DENND4A: variants seen among roughly 807,000 people sequenced by gnomAD.
DENND4A encodes C-myc promoter-binding protein.
A neutral mutation model predicts 199.3 loss-of-function variants in DENND4A; 70 were observed. The ratio of observed to expected loss-of-function variants is 0.35; its 90% CI spans 0.29 to 0.43. The LOEUF is 0.43. DENND4A is among the 20% of genes least tolerant of loss of function. DENND4A has a pLI of 1.00. For synonymous variants in DENND4A, 686 were observed against 766.9 expected, an observed-to-expected ratio of 0.89 and a Z score of 1.74; for missense variants, 1,723 against 2,255.8, an observed-to-expected ratio of 0.76 and a Z score of 4.78.
chr15:65,745,125 T>C (rs1208599876), intron 4 of DENND4A, among the ~76,000 whole-genome samples: 1 of 152,206 alleles, frequency 6.6e-6, no homozygotes, highest in Non-Finnish European at 1.5e-5. Context: ...TATATGATCA[T>C]TTAATAATAT....
chr15:65,750,684 A>G (rs1040467627), intron 4 of DENND4A, among the ~76,000 whole-genome samples: 3 of 152,034 alleles, frequency 2.0e-5, no homozygotes, highest in African/African-American at 7.2e-5. Context: ...ATAGATCTAC[A>G]ATTTGTATAC....
At chr15:65,702,599 C>G in intron 16 of DENND4A, 88 bp from the exon 17 acceptor site, 2 of 1,141,208 alleles carry the variant, frequency 1.8e-6, no homozygotes, top group South Asian at 1.5e-5. Context: ...AAGTCACATG[C>G]TTTTATAATG....
chr15:65,689,036 A>G (rs1448002287), intron 23 of DENND4A, among the ~76,000 whole-genome samples: 1 of 152,158 alleles, frequency 6.6e-6, no homozygotes, highest in Non-Finnish European at 1.5e-5. Context: ...CACTTTAAAG[A>G]TATCTTTCCA....
intron 1 of DENND4A, among the ~76,000 whole-genome samples, chr15:65,763,387 G>C (rs1006741108): frequency 6.6e-6 from 1 of 152,114 alleles, no homozygotes; most frequent in African/African-American, 2.4e-5. Context: ...GGCATAAACT[G>C]AGTCAAGAAT....
intron 23 of DENND4A, among the ~76,000 whole-genome samples, chr15:65,684,772 G>A (rs868391581): frequency 6.7e-6 from 1 of 149,614 alleles, no homozygotes; most frequent in Non-Finnish European, 1.5e-5. Flanking sequence ...AGAATTCTTG[G>A]CTTAATTCAA....
chr15:65,756,280 C>T lies in DENND4A; in HGVS notation c.171G>A (p.Glu57=), dbSNP rs765150896. 5.0e-6 allele frequency: 8 copies of T among 1,613,328 alleles called. No homozygotes were observed. Among genetic ancestry groups the T allele is most frequent in the Middle Eastern group, 1.7e-4 (1 of 6,060 alleles). Residue 57 remains glutamate, a synonymous_variant, in exon 3 of 33, where the codon GAG becomes GAA. Coordinates refer to ENST00000443035, the MANE Select transcript of DENND4A (RefSeq NM_001320835.1). Reference sequence around the variant, plus strand: ...TACAGATATAATCCTGTGGGACTTCCTCCCCAAGAGATTTGATAATAACTG... The same window carrying T: ...TACAGATATAATCCTGTGGGACTTCTTCCCCAAGAGATTTGATAATAACTG... ...DVSVIIKSLG[E]EVPQDYICID...
chr15:65,670,614 T>C (rs1306975567), intron 25 of DENND4A, among the ~76,000 whole-genome samples: 1 of 152,204 alleles, frequency 6.6e-6, no homozygotes, highest in Non-Finnish European at 1.5e-5. Context: ...TTTATAAACT[T>C]TTTAAAGTAC....
At chr15:65,674,688 T>C (rs1024382544) in intron 24 of DENND4A, among the ~76,000 whole-genome samples, 1 of 151,120 alleles carries the variant, frequency 6.6e-6, no homozygotes, top group African/African-American at 2.4e-5. Flanking sequence ...GAGCCATGAC[T>C]GTGCCACTGT....
Position 65,660,331 on chromosome 15 carries a change from C to A in DENND4A, c.*1520G>T. 6.5e-7 allele frequency: 1 copy of A among 1,532,674 alleles called. No homozygotes were observed. Among genetic ancestry groups the A allele is most frequent in the Non-Finnish European group, 8.7e-7 (1 of 1,144,464 alleles). The allele number at this position is 1,532,674 out of a possible 1,614,324, so 94.9% of individuals were successfully genotyped here. A position where few individuals can be genotyped will look rare whatever the true frequency, so the allele number is the denominator to read the frequency against. On this transcript the variant is annotated 3_prime_UTR_variant, in exon 33 of 33. Coordinates refer to ENST00000443035, the MANE Select transcript of DENND4A (RefSeq NM_001320835.1). ...TGGTGCTATTCACTAATGGTGTGAA[C>A]TCAAAAGGTGGGTTTTCTGCAGCTG...
chr15:65,709,427 C>G (rs146697311), intron 14 of DENND4A, among the ~76,000 whole-genome samples: 1 of 151,966 alleles, frequency 6.6e-6, no homozygotes, highest in Non-Finnish European at 1.5e-5. Flanking sequence ...CATTTTGAGC[C>G]GGGCACGGCG....
chr15:65,670,224 G>C (rs769963420), intron 25 of DENND4A, 36 bp from the exon 26 acceptor site: 2 of 1,410,486 alleles, frequency 1.4e-6, no homozygotes, highest in South Asian at 3.5e-5. Flanking sequence ...AAGAAAGCTG[G>C]TTAATTCAGA....
chr15:65,740,508 A>C (rs1229018066), intron 5 of DENND4A, among the ~76,000 whole-genome samples: 1 of 151,344 alleles, frequency 6.6e-6, no homozygotes, highest in East Asian at 1.9e-4. Context: ...TACTCTCGGT[A>C]GTCTCAGCTA....
chr15:65,667,140 G>C (rs1300586866), intron 29 of DENND4A, among the ~76,000 whole-genome samples: 5 of 152,030 alleles, frequency 3.3e-5, no homozygotes, highest in Non-Finnish European at 7.4e-5. Context: ...GACCATCCTG[G>C]CCAACATGGT....
chr15:65,774,718 T>C (rs774092460), intron 1 of DENND4A, among the ~76,000 whole-genome samples: 2 of 151,930 alleles, frequency 1.3e-5, no homozygotes, highest in Admixed American at 6.6e-5. Context: ...AAATAACATA[T>C]ATATGCTATT....
chr15:65,681,879 A>G (rs1340817287), intron 23 of DENND4A, among the ~76,000 whole-genome samples: 1 of 152,118 alleles, frequency 6.6e-6, no homozygotes, highest in African/African-American at 2.4e-5. Context: ...CTGCTTTTCT[A>G]TTGGAGCTCT....
At chr15:65,721,609 A>G (rs1343705786) in intron 12 of DENND4A, among the ~76,000 whole-genome samples, 1 of 151,234 alleles carries the variant, frequency 6.6e-6, no homozygotes, top group Non-Finnish European at 1.5e-5. Context: ...AAAAAAAAAA[A>G]AAGAAAGAGA....
intron 20 of DENND4A, among the ~76,000 whole-genome samples, chr15:65,699,491 G>A (rs117595041): frequency 8.0e-5 from 12 of 150,924 alleles, no homozygotes; most frequent in East Asian, 3.9e-4. Context: ...TGCCATCTTC[G>A]GCACTATAAT....
intron 25 of DENND4A, 58 bp downstream of exon 25, chr15:65,671,734 A>G: frequency 8.3e-7 from 1 of 1,201,814 alleles, no homozygotes; most frequent in Non-Finnish European, 1.2e-6. Flanking sequence ...ACTAATACTT[A>G]AGAAATGTGC....
intron 12 of DENND4A, among the ~76,000 whole-genome samples, chr15:65,718,988 G>A (rs1468431706): frequency 6.6e-6 from 1 of 150,838 alleles, no homozygotes; most frequent in Non-Finnish European, 1.5e-5. Flanking sequence ...CCGTGTTGGC[G>A]AGGCTAGTCT....
Sources: allele counts gnomAD v4.1 joint callset (sites outside exome capture counted in the v4.1 genomes callset), GRCh38; gene constraint gnomAD v4.1.1; transcripts MANE v1.5; gene names NCBI Gene and HGNC (gene_info 2026-07-23, HGNC 2026-07-21).